The following SLC12A7 variants were observed in gnomAD, a reference collection of about 807,000 sequenced individuals.
SLC12A7 encodes the protein K-Cl cotransporter 4.
In SLC12A7, 100 loss-of-function variants were observed where a neutral mutation model predicts 120.6. The ratio of observed to expected loss-of-function variants is 0.83; its 90% confidence interval spans 0.71 to 0.98. The LOEUF (loss-of-function observed/expected upper bound fraction) is 0.98. Among genes scored for constraint, SLC12A7 ranks in the 50% least tolerant of loss-of-function variants. SLC12A7 has a pLI of 0.00. For missense variants in SLC12A7, 1,373 were observed against 1,548.1 expected, an observed-to-expected ratio of 0.89 and a Z score of 1.90; for synonymous variants, 760 against 678.0, an observed-to-expected ratio of 1.12 and a Z score of -1.88.
intron 14 of SLC12A7, 52 bp from the exon 15 acceptor site, chr5:1,075,542 A>T: frequency 6.4e-7 from 1 of 1,572,858 alleles, no homozygotes; most frequent in Non-Finnish European, 8.7e-7. Context: ...CAGCCCCCAC[A>T]CCTCAGCCAC....
Position 1,063,861 on chromosome 5 carries a change from C to T in SLC12A7, c.2722G>A (p.Val908Met), listed in dbSNP as rs768767924. The change falls in exon 20 of 24, where the codon GTG becomes ATG. Residue 908 changes from valine (V) to methionine (M), a missense_variant. Physicochemically the swap from Val to Met is conservative, Grantham distance 21 (BLOSUM62 1). Transcript: ENST00000264930. ...FLYHLRISAE[V>M]EVVEMVENDI... is the part of the protein sequence containing the mutation. Reference sequence around the variant, plus strand: ...GGACTCACCATCTCCACCACCTCCACCTCGGCGCTGATGCGCAAGTGGTAC... The same window carrying T: ...GGACTCACCATCTCCACCACCTCCATCTCGGCGCTGATGCGCAAGTGGTAC... The T allele has an allele frequency of 3.7e-6, 6 of 1,609,242 alleles. No individual in the cohort carries two copies. The highest frequency in any genetic ancestry group is 5.1e-6 in the Non-Finnish European group (6 of 1,178,578).
chr5:1,144,319 C>A, the SLC12A7 span, among the ~76,000 whole-genome samples: 4 of 152,258 alleles, frequency 2.6e-5, no homozygotes, highest in African/African-American at 9.6e-5. Context: ...ACGCCAGGGC[C>A]TTGCTCTGCC....
chr5:1,083,767 G>A lies in SLC12A7; in HGVS notation c.1107C>T (p.Gly369=), dbSNP rs562760160. 3.6e-4 allele frequency: 575 copies of A among 1,612,546 alleles called. 11 individuals carry two copies. The South Asian group carries it at 5.9e-3, about 16-fold the overall frequency. ...NNVTEIQGIP[G]AASGVFLENL... is the part of the protein sequence containing the mutation. ...CACCCAGGAAGACACCACTGGCCGC[G>A]CCCGGGATGCCCTGGATTTCGGTGA... The change falls in exon 8 of 24, where the codon GGC becomes GGT. Residue 369 remains glycine, a synonymous_variant. Transcript: ENST00000264930.
At chr5:1,082,330 T>C (rs55843473) in intron 8 of SLC12A7, among the ~76,000 whole-genome samples, 1 of 129,300 alleles carries the variant, frequency 7.7e-6, no homozygotes, top group South Asian at 2.7e-4. Context: ...TTCTGGAAAG[T>C]CCGGGCTTCC....
At chr5:1,052,615 G>A (rs73731142) in intron 23 of SLC12A7, among the ~76,000 whole-genome samples, 164 bp from the exon 24 acceptor site, 4,365 of 128,616 alleles carry the variant, frequency 0.034, 211 homozygotes, top group African/African-American at 0.1. Flanking sequence ...CCCCCCAGGC[G>A]GGGAGGAGCA....
chr5:1,093,297 G>A (rs923086435), intron 3 of SLC12A7, among the ~76,000 whole-genome samples: 32 of 152,258 alleles, frequency 2.1e-4, no homozygotes, highest in African/African-American at 6.0e-4. Context: ...CAGGGAACCC[G>A]GCCACCCAGA....
intron 8 of SLC12A7, among the ~76,000 whole-genome samples, chr5:1,083,235 C>T (rs1194401864): frequency 6.6e-6 from 1 of 151,586 alleles, no homozygotes; most frequent in African/African-American, 2.4e-5. Flanking sequence ...TCTGGAAAGC[C>T]TGGGCTTCCT....
the SLC12A7 span, among the ~76,000 whole-genome samples, chr5:1,120,175 A>T: frequency 6.6e-6 from 1 of 152,224 alleles, no homozygotes; most frequent in East Asian, 1.9e-4. Flanking sequence ...AGCCCCAAAC[A>T]TGCTCTTCAT....
Position 1,076,185 on chromosome 5 carries a change from G to A in SLC12A7, c.1800C>T (p.Thr600=). 2 of 1,612,576 alleles carry A rather than the reference G, an allele frequency of 1.2e-6. No individual in the cohort carries two copies. The highest frequency in any genetic ancestry group is 2.2e-5 in the South Asian group (2 of 90,924). ...LFVNLACAVQ[T]LLRTPNWRPR... Reference sequence around the variant, plus strand: ...GACGCCAGTTGGGGGTACGTAGCAGGGTCTGCACGGCGCAGGCCAGGTTCA... The same window carrying A: ...GACGCCAGTTGGGGGTACGTAGCAGAGTCTGCACGGCGCAGGCCAGGTTCA... Residue 600 remains threonine (T), a synonymous_variant, in exon 14 of 24, where the codon ACC becomes ACT. Transcript: ENST00000264930.
chr5:1,055,384 CACAA>C (rs113264172), intron 22 of SLC12A7, among the ~76,000 whole-genome samples: 1,671 of 152,342 alleles, frequency 0.011, 19 homozygotes, highest in Non-Finnish European at 0.015. Context: ...CGAGCACGCA[CACAA>C]ACAGACATCC....
At chr5:1,137,185 A>G in the SLC12A7 span, among the ~76,000 whole-genome samples, 1 of 151,260 alleles carries the variant, frequency 6.6e-6, no homozygotes, top group Non-Finnish European at 1.5e-5. Flanking sequence ...CCCTGCCCCT[A>G]CTCCAAGGAT....
the SLC12A7 span, among the ~76,000 whole-genome samples, chr5:1,123,561 A>T: frequency 0.14 from 21,948 of 152,232 alleles, 1,784 homozygotes; most frequent in Non-Finnish European, 0.18. Flanking sequence ...CCGCCGGCCC[A>T]CTGAGGGGTA....
chr5:1,107,722 C>A (rs74490548), intron 1 of SLC12A7, among the ~76,000 whole-genome samples: 5 of 152,184 alleles, frequency 3.3e-5, no homozygotes. Context: ...TGGTGTCCAA[C>A]GCTAGACAGA....
intron 11 of SLC12A7, 43 bp from the exon 12 acceptor site, chr5:1,078,050 A>C: frequency 6.6e-7 from 1 of 1,520,058 alleles, no homozygotes; most frequent in South Asian, 1.2e-5. Context: ...TTCAGAAGTG[A>C]GCCTGAGTCA....
At chr5:1,066,827 C>T (rs533225108) in intron 17 of SLC12A7, among the ~76,000 whole-genome samples, 2 of 152,156 alleles carry the variant, frequency 1.3e-5, no homozygotes, top group Non-Finnish European at 2.9e-5. Context: ...CTGGAGGCAG[C>T]GTGGCCTGCG....
In SLC12A7 at chr5:1,112,058, G is replaced by A. The variant is rs1284315018; in HGVS notation, c.-67C>T. On this transcript the variant is annotated 5_prime_UTR_variant, in exon 1 of 24. Coordinates refer to ENST00000264930, the MANE Select transcript of SLC12A7 (RefSeq NM_006598.3). ...GCTGCGCCGCTCCCGCCGACGCCACGGGACTTGGAGGCAGGGGCGGGGTCC... is the reference window on the plus strand; with the variant it reads ...GCTGCGCCGCTCCCGCCGACGCCACAGGACTTGGAGGCAGGGGCGGGGTCC... The A allele has an allele frequency of 1.7e-6, 2 of 1,202,988 alleles. No individual in the cohort carries two copies. Among genetic ancestry groups the A allele is most frequent in the African/African-American group, 1.6e-5 (1 of 63,204 alleles). 74.5% of individuals were successfully genotyped at this position (1,202,988 alleles called of 1,614,324 possible). A position where few individuals can be genotyped will look rare whatever the true frequency, so the allele number is the denominator to read the frequency against.
At chr5:1,074,741 A>C in intron 15 of SLC12A7, 70 bp from the exon 16 acceptor site, 16 of 1,435,698 alleles carry the variant, frequency 1.1e-5, no homozygotes, top group Non-Finnish European at 1.5e-5. Context: ...GGGAAAGGGG[A>C]CTTCTGGGGG....
chr5:1,065,707 C>T (rs1736981071), intron 17 of SLC12A7, among the ~76,000 whole-genome samples: 1 of 152,080 alleles, frequency 6.6e-6, no homozygotes, highest in African/African-American at 2.4e-5. Context: ...GTGACTGATG[C>T]CACGTGCAGG....
intron 1 of SLC12A7, among the ~76,000 whole-genome samples, chr5:1,104,533 A>G (rs1742318805): frequency 6.6e-6 from 1 of 152,174 alleles, no homozygotes; most frequent in Non-Finnish European, 1.5e-5. Context: ...CCTTGGGCTC[A>G]GGTCCCAGCC....
Sources: gnomAD v4.1 joint callset for allele counts (sites outside exome capture counted in the v4.1 genomes callset) on GRCh38, gnomAD v4.1.1 for gene constraint, MANE v1.5 for transcripts, NCBI Gene and HGNC (gene_info 2026-07-23, HGNC 2026-07-21) for gene names.